The following PDE11A variants were observed in gnomAD, a reference collection of about 807,000 sequenced individuals.
PDE11A encodes the protein phosphodiesterase 11A, also known as dual 3',5'-cyclic-AMP and -GMP phosphodiesterase 11A.
PDE11A carries 100 observed loss-of-function variants against 100.5 expected under a neutral mutation model. The observed-to-expected ratio is 1.00, with a 90% CI of 0.85 to 1.18. The LOEUF is 1.18. Ranked by LOEUF, PDE11A falls within the 50% of genes most tolerant of loss-of-function variation. The pLI is 0.00. For missense variants in PDE11A, 1,141 were observed against 1,152.6 expected (o/e 0.99, Z 0.15); for synonymous variants, 381 against 420.8 (o/e 0.91, Z 1.16).
At position 177,623,972 on chromosome 2, in the gene PDE11A, T is replaced by TCC. The variant is rs537772284; in HGVS notation, c.*5433_*5434dup. The TCC allele has an allele frequency of 1.2e-3, 181 of 152,354 alleles. No individual in the cohort carries two copies. The highest frequency in any genetic ancestry group is 4.2e-3 in the African/African-American group (174 of 41,588). 9.4% of individuals were successfully genotyped at this position (152,354 alleles called of 1,614,324 possible). ...AATCTAAATGCTCATCATGAAATTC[T>TCC]CCAGATACACCTCATTTTATTTCTG... On this transcript the variant is annotated 3_prime_UTR_variant, in exon 20 of 20. Coordinates refer to ENST00000286063, the MANE Select transcript of PDE11A (RefSeq NM_016953.4).
At chr2:177,735,099 C>T (rs748370389) in intron 10 of PDE11A, among the ~76,000 whole-genome samples, 17 of 152,174 alleles carry the variant, frequency 1.1e-4, no homozygotes, top group Admixed American at 2.0e-4. Flanking sequence ...GAGAAGCAAA[C>T]GGGCAATTAC....
chr2:177,651,610 G>T (rs963247029), intron 19 of PDE11A, among the ~76,000 whole-genome samples: 1 of 147,880 alleles, frequency 6.8e-6, no homozygotes, highest in Non-Finnish European at 1.5e-5. Context: ...CCTCCTCTTA[G>T]GCCCTCTTCT....
At chr2:177,660,931 C>T (rs927858652) in intron 19 of PDE11A, among the ~76,000 whole-genome samples, 12 of 152,202 alleles carry the variant, frequency 7.9e-5, no homozygotes, top group African/African-American at 2.9e-4. Context: ...GCCACCCGCC[C>T]CTGCCAAACT....
intron 16 of PDE11A, among the ~76,000 whole-genome samples, chr2:177,680,562 G>T (rs1016022216): frequency 6.6e-6 from 1 of 152,112 alleles, no homozygotes; most frequent in African/African-American, 2.4e-5. Flanking sequence ...GGAAACAGAA[G>T]AAATCATGGC....
At position 177,727,610 on chromosome 2, in the gene PDE11A, G is replaced by A. The variant is rs376090035; in HGVS notation, c.2043+48C>T. On this transcript the variant is annotated intron_variant, in intron 12 of 19. Transcript: ENST00000286063. The stretch of plus-strand genomic sequence containing the variant: ...GAAATGTAAAGGAGAAGGCCTGCCA[G>A]TTCCTACGAATGAGAAATGATCTTC... The A allele has an allele frequency of 5.5e-6, 6 of 1,094,256 alleles. No individual in the cohort carries two copies. In the African/African-American group the frequency reaches 9.2e-5, roughly 17 times the overall value. The allele number at this position is 1,094,256 out of a possible 1,614,324, so 67.8% of individuals were successfully genotyped here. A position where few individuals can be genotyped will look rare whatever the true frequency, so the allele number is the denominator to read the frequency against.
At chr2:177,670,778 C>G (rs745952580) in intron 17 of PDE11A, among the ~76,000 whole-genome samples, 10 of 152,200 alleles carry the variant, frequency 6.6e-5, no homozygotes, top group Non-Finnish European at 1.2e-4. Flanking sequence ...ACACACACAT[C>G]TGAGAGTAGC....
At chr2:177,854,745 C>T (rs890759550) in intron 5 of PDE11A, among the ~76,000 whole-genome samples, 20 of 152,212 alleles carry the variant, frequency 1.3e-4, no homozygotes, top group African/African-American at 4.8e-4. Flanking sequence ...TACCAAGAGG[C>T]AGACTCAGAA....
intron 19 of PDE11A, among the ~76,000 whole-genome samples, chr2:177,654,744 T>C (rs2080357071): frequency 6.6e-6 from 1 of 152,212 alleles, no homozygotes; most frequent in Non-Finnish European, 1.5e-5. Flanking sequence ...AGGTGATGTA[T>C]ATTTTCTTTA....
chr2:178,021,726 T>A (rs975275603), intron 1 of PDE11A, among the ~76,000 whole-genome samples: 1 of 152,032 alleles, frequency 6.6e-6, no homozygotes, highest in Non-Finnish European at 1.5e-5. Context: ...AGACAATATC[T>A]CCCAAAGAAA....
intron 5 of PDE11A, among the ~76,000 whole-genome samples, chr2:177,867,764 C>A (rs923630883): frequency 1.3e-5 from 2 of 152,170 alleles, no homozygotes; most frequent in South Asian, 2.1e-4. Flanking sequence ...TTGCAGGGTA[C>A]AATCATAGTA....
chr2:177,755,040 C>T (rs1292911066), intron 10 of PDE11A, among the ~76,000 whole-genome samples: 1 of 152,132 alleles, frequency 6.6e-6, no homozygotes, highest in Non-Finnish European at 1.5e-5. Context: ...GATCCAGTTG[C>T]AGGGGGCTTT....
chr2:177,736,864 G>T (rs2081791916), intron 10 of PDE11A, among the ~76,000 whole-genome samples: 1 of 152,176 alleles, frequency 6.6e-6, no homozygotes, highest in African/African-American at 2.4e-5. Flanking sequence ...CTCAACCACT[G>T]ACCACCCAAT....
chr2:177,879,260 T>C (rs1021038883), intron 4 of PDE11A, among the ~76,000 whole-genome samples: 5 of 152,236 alleles, frequency 3.3e-5, no homozygotes, highest in Non-Finnish European at 1.5e-5. Flanking sequence ...GTAGTAACCA[T>C]TTTAAAAAGC....
At chr2:177,740,399 G>T (rs759041072) in intron 10 of PDE11A, among the ~76,000 whole-genome samples, 6 of 152,102 alleles carry the variant, frequency 3.9e-5, no homozygotes, top group Non-Finnish European at 8.8e-5. Flanking sequence ...TTTTCATCAT[G>T]GTGCATTTAT....
intron 10 of PDE11A, among the ~76,000 whole-genome samples, chr2:177,737,026 A>T (rs2081794733): frequency 7.2e-6 from 1 of 137,952 alleles, no homozygotes; most frequent in African/African-American, 2.6e-5. Context: ...GGATCACTTG[A>T]GGTCGGGAGT....
At chr2:177,992,640 G>A (rs1175640937) in intron 2 of PDE11A, among the ~76,000 whole-genome samples, 1 of 152,056 alleles carries the variant, frequency 6.6e-6, no homozygotes, top group Admixed American at 6.6e-5. Flanking sequence ...AGAGATCAAT[G>A]GTCATCAGAA....
chr2:177,894,021 A>G (rs1323287303), intron 4 of PDE11A, among the ~76,000 whole-genome samples: 1 of 152,208 alleles, frequency 6.6e-6, no homozygotes, highest in Non-Finnish European at 1.5e-5. Flanking sequence ...ACTCTTTGGC[A>G]GATGACCAAA....
chr2:177,852,466 A>C (rs1306831570), intron 5 of PDE11A, among the ~76,000 whole-genome samples: 1 of 152,154 alleles, frequency 6.6e-6, no homozygotes, highest in Non-Finnish European at 1.5e-5. Context: ...GGTTCACAAA[A>C]AGAAACTGCA....
chr2:177,745,433 A>T (rs974977872), intron 10 of PDE11A, among the ~76,000 whole-genome samples: 1 of 152,158 alleles, frequency 6.6e-6, no homozygotes. Context: ...GAAAGCATCA[A>T]CTCAGATTTC....
Sources: allele counts gnomAD v4.1 joint callset (sites outside exome capture counted in the v4.1 genomes callset), GRCh38; gene constraint gnomAD v4.1.1; transcripts MANE v1.5; gene names NCBI Gene and HGNC (gene_info 2026-07-23, HGNC 2026-07-21).